The following CACNB2 variants were observed in gnomAD, a reference collection of about 807,000 sequenced individuals.
CACNB2 encodes the protein calcium voltage-gated channel auxiliary subunit beta 2, also known as voltage-dependent L-type calcium channel subunit beta-2.
Under a neutral mutation model 73.3 loss-of-function variants are expected in CACNB2, and 42 were observed. The ratio of observed to expected loss-of-function variants is 0.57; its 90% CI spans 0.45 to 0.74. CACNB2 has a LOEUF of 0.74. Ranked by LOEUF, CACNB2 falls within the 30% of genes least tolerant of loss-of-function variation. CACNB2 has a pLI of 0.00. For synonymous variants in CACNB2, 348 were observed against 310.3 expected, an observed-to-expected ratio of 1.12 and a Z score of -1.28; for missense variants, 940 against 853.0, an observed-to-expected ratio of 1.10 and a Z score of -1.27.
chr10:18,534,371 T>G (rs186523721), intron 11 of CACNB2, 144 bp downstream of exon 11: 1 of 758,994 alleles, frequency 1.3e-6, no homozygotes, highest in African/African-American at 1.7e-5. Context: ...AATTTTTAAA[T>G]TGATATAGTT....
At chr10:18,432,446 G>GTC (rs1260646355) in intron 3 of CACNB2, among the ~76,000 whole-genome samples, 31 of 50,810 alleles carry the variant, frequency 6.1e-4, no homozygotes, top group African/African-American at 3.5e-3. Flanking sequence ...GGATGTGTGT[G>GTC]TCTCTGTGTG....
chr10:18,409,302 G>GC (rs1554812507), intron 3 of CACNB2, among the ~76,000 whole-genome samples: 4 of 137,892 alleles, frequency 2.9e-5, no homozygotes, highest in African/African-American at 1.1e-4. Context: ...CTGTCTCCAG[G>GC]AAAAAAAAAA....
At chr10:18,357,037 C>T (rs1048688688) in intron 2 of CACNB2, among the ~76,000 whole-genome samples, 1 of 147,810 alleles carries the variant, frequency 6.8e-6, no homozygotes, top group Admixed American at 6.8e-5. Flanking sequence ...CTCCGCCTCC[C>T]GGGTTCACGC....
chr10:18,439,535 A>T (rs1051618875), intron 3 of CACNB2, among the ~76,000 whole-genome samples: 1 of 152,164 alleles, frequency 6.6e-6, no homozygotes, highest in Non-Finnish European at 1.5e-5. Flanking sequence ...TTCAAGGTAC[A>T]ATTTGAAACC....
At chr10:18,260,975 G>A in intron 2 of CACNB2, 1 of 1,340,222 alleles carries the variant, frequency 7.5e-7, no homozygotes, top group South Asian at 1.6e-5. Flanking sequence ...CTTACTTCCG[G>A]AAAATTAATG....
At chr10:18,192,069 A>C (rs752324497) in intron 2 of CACNB2, among the ~76,000 whole-genome samples, 3 of 151,742 alleles carry the variant, frequency 2.0e-5, no homozygotes, top group Non-Finnish European at 4.4e-5. Context: ...GCAGGAATCT[A>C]GGATGCTAGA....
In CACNB2 at chr10:18,340,473, T is replaced by C. The variant is rs150278178; in HGVS notation, c.214-61451T>C. On this transcript the variant is annotated intron_variant, in intron 2 of 13. Transcript: ENST00000324631. ...CTTTCAAGACAGTAGTTTCTTTGAA[T>C]GCTAACAGCTTATCCAGTTATGCAA... 1.6e-3 allele frequency among the ~76,000 whole-genome samples: 250 copies of C among 152,340 alleles called. 1 individual carries two copies. Among genetic ancestry groups the C allele is most frequent in the African/African-American group, 5.8e-3 (243 of 41,588 alleles).
At chr10:18,537,117 A>T (rs986375669) in intron 12 of CACNB2, among the ~76,000 whole-genome samples, 1 of 152,014 alleles carries the variant, frequency 6.6e-6, no homozygotes, top group African/African-American at 2.4e-5. Flanking sequence ...CCCTCCAAGT[A>T]GCTAGGACTA....
At chr10:18,435,852 A>T (rs1264792068) in intron 3 of CACNB2, among the ~76,000 whole-genome samples, 1 of 152,026 alleles carries the variant, frequency 6.6e-6, no homozygotes, top group African/African-American at 2.4e-5. Flanking sequence ...ACTTTGTTTT[A>T]TGTGTGCACC....
At chr10:18,406,360 C>T (rs1370756612) in intron 3 of CACNB2, among the ~76,000 whole-genome samples, 2 of 152,124 alleles carry the variant, frequency 1.3e-5, no homozygotes. Flanking sequence ...TGTTAGGAAC[C>T]AGGCTACACA....
intron 13 of CACNB2, 35 bp from the exon 14 acceptor site, chr10:18,539,195 T>C (rs2053902233): frequency 3.7e-6 from 6 of 1,613,660 alleles, no homozygotes; most frequent in Non-Finnish European, 5.1e-6. Context: ...CACACTGACC[T>C]TGGTTAACGC....
At chr10:18,500,748 T>C (rs2050150012) in intron 4 of CACNB2, 64 bp from the exon 5 acceptor site, 4 of 1,502,118 alleles carry the variant, frequency 2.7e-6, no homozygotes, top group African/African-American at 1.4e-5. Context: ...CTGAAAATAG[T>C]GTGGAAGAAC....
chr10:18,216,996 A>T (rs1439557237), intron 2 of CACNB2, among the ~76,000 whole-genome samples: 1 of 152,226 alleles, frequency 6.6e-6, no homozygotes, highest in Non-Finnish European at 1.5e-5. Context: ...TTTCTAGGAT[A>T]TAAATAGAAC....
intron 2 of CACNB2, among the ~76,000 whole-genome samples, chr10:18,361,335 A>T (rs746983487): frequency 5.7e-4 from 53 of 92,592 alleles, no homozygotes; most frequent in Non-Finnish European, 1.0e-3. Flanking sequence ...ACAAAAAATT[A>T]AAAAAAAAAA....
At position 18,442,928 on chromosome 10, in the gene CACNB2, A is replaced by ATATATATATATATATG; in HGVS notation, c.333+40898_333+40899insATGTATATATATATAT. Among the ~76,000 whole-genome samples, 2 of 50,678 alleles carry ATATATATATATATATG rather than the reference A, an allele frequency of 3.9e-5. 1 individual carries two copies. Among genetic ancestry groups the ATATATATATATATATG allele is most frequent in the South Asian group, 1.3e-3 (2 of 1,546 alleles). 33.2% of individuals were successfully genotyped at this position (50,678 alleles called of 152,430 possible). A position where few individuals can be genotyped will look rare whatever the true frequency, so the allele number is the denominator to read the frequency against. ...AAAAACAATATATATATATATATGT[A>ATATATATATATATATG]TATATATATATATGTGTATATATAT... On this transcript the variant is annotated intron_variant, in intron 3 of 13. Coordinates refer to ENST00000324631, the MANE Select transcript of CACNB2 (RefSeq NM_201596.3).
intron 3 of CACNB2, among the ~76,000 whole-genome samples, chr10:18,443,889 A>G (rs1391041389): frequency 6.6e-6 from 1 of 151,890 alleles, no homozygotes; most frequent in Non-Finnish European, 1.5e-5. Context: ...TAATTTTTGT[A>G]TTTTTAATAG....
chr10:18,205,095 AT>A (rs1363072244), intron 2 of CACNB2, among the ~76,000 whole-genome samples: 2 of 146,032 alleles, frequency 1.4e-5, no homozygotes, highest in Non-Finnish European at 3.0e-5. Context: ...TTAAAAAAAA[AT>A]TCTTAAGATC....
At chr10:18,282,704 T>C (rs1035364051) in intron 2 of CACNB2, among the ~76,000 whole-genome samples, 2 of 152,132 alleles carry the variant, frequency 1.3e-5, no homozygotes, top group South Asian at 2.1e-4. Flanking sequence ...TTTAAGTGTG[T>C]TTTTTTCCTT....
intron 2 of CACNB2, among the ~76,000 whole-genome samples, chr10:18,277,753 T>C (rs1008153228): frequency 6.6e-6 from 1 of 152,238 alleles, no homozygotes; most frequent in Non-Finnish European, 1.5e-5. Flanking sequence ...TCTTGGGGGA[T>C]GTAAAGATGA....
Sources: gnomAD v4.1 joint callset for allele counts (sites outside exome capture counted in the v4.1 genomes callset) on GRCh38, gnomAD v4.1.1 for gene constraint, MANE v1.5 for transcripts, NCBI Gene and HGNC (gene_info 2026-07-23, HGNC 2026-07-21) for gene names.